BICC1: variants seen among roughly 807,000 people sequenced by gnomAD.
The protein encoded by BICC1 is protein bicaudal C homolog 1.
In BICC1, 43 loss-of-function variants were observed where a neutral mutation model predicts 111.0. The ratio of observed to expected loss-of-function variants is 0.39; its 90% CI spans 0.30 to 0.50. The LOEUF (loss-of-function observed/expected upper bound fraction) is 0.50, where lower values mean the gene tolerates loss of function less well. BICC1 is among the 20% of genes least tolerant of loss of function. BICC1 has a pLI of 0.88. For missense variants in BICC1, 1,091 were observed against 1,203.2 expected (o/e 0.91, Z 1.38); for synonymous variants, 467 against 434.4 (o/e 1.07, Z -0.93).
At chr10:58,801,380 C>A (rs918805459) in intron 14 of BICC1, among the ~76,000 whole-genome samples, 1 of 152,094 alleles carries the variant, frequency 6.6e-6, no homozygotes, top group East Asian at 1.9e-4. Flanking sequence ...GAAATTTTCC[C>A]ACTGTGAATT....
At chr10:58,537,347 C>CA (rs1554803300) in intron 1 of BICC1, among the ~76,000 whole-genome samples, 121 of 111,848 alleles carry the variant, frequency 1.1e-3, no homozygotes, top group African/African-American at 2.4e-3. Flanking sequence ...TGAACTAGAA[C>CA]AAAAAAAAAA....
intron 3 of BICC1, among the ~76,000 whole-genome samples, chr10:58,757,063 G>T (rs1480925454): frequency 6.6e-6 from 1 of 152,126 alleles, no homozygotes; most frequent in Non-Finnish European, 1.5e-5. Flanking sequence ...CTTTTATTGT[G>T]CAGAGAAGTA....
At chr10:58,532,710 G>A (rs558661637) in intron 1 of BICC1, among the ~76,000 whole-genome samples, 6 of 151,762 alleles carry the variant, frequency 4.0e-5, no homozygotes, top group African/African-American at 1.5e-4. Flanking sequence ...CATCTCAGTT[G>A]GTTTAGCTTA....
intron 3 of BICC1, among the ~76,000 whole-genome samples, chr10:58,757,339 C>T (rs979873264): frequency 2.0e-5 from 3 of 152,086 alleles, no homozygotes; most frequent in African/African-American, 7.2e-5. Flanking sequence ...TTCTATAGGA[C>T]GAGTATTTGA....
chr10:58,531,421 C>T (rs2131854229), intron 1 of BICC1, among the ~76,000 whole-genome samples: 1 of 151,928 alleles, frequency 6.6e-6, no homozygotes, highest in African/African-American at 2.4e-5. Context: ...GAATCTCTAG[C>T]TGGGCTGATT....
At position 58,803,220 on chromosome 10, in the gene BICC1, G is replaced by A. The variant is rs151212777; in HGVS notation, c.2159G>A (p.Arg720Gln). The change falls in exon 15 of 21, where the codon CGG becomes CAG. Residue 720 changes from arginine (R) to glutamine (Q), a missense_variant. Physicochemically the swap from Arg to Gln is conservative, Grantham distance 43 (BLOSUM62 1). This residue lies in a region of BICC1 where 843 missense variants were observed against 900.8 expected (regional missense o/e 0.94). Coordinates refer to ENST00000373886, the MANE Select transcript of BICC1 (RefSeq NM_001080512.3). The part of the protein sequence containing the change: ...QNSERAHLAP[R>Q]SSYVNMQAFD... ...TCCGAAAGGGCCCACCTTGCTCCAC[G>A]GTCATCATATGTCAACATGCAGGTA... The A allele has an allele frequency of 1.3e-4, 212 of 1,602,372 alleles. 1 individual carries two copies. In the African/African-American group the frequency reaches 2.6e-3, roughly 20 times the overall value.
chr10:58,548,127 T>C (rs982207500), intron 1 of BICC1, among the ~76,000 whole-genome samples: 1 of 152,232 alleles, frequency 6.6e-6, no homozygotes, highest in African/African-American at 2.4e-5. Context: ...GTGTTTATAC[T>C]GATGACTTCA....
intron 1 of BICC1, among the ~76,000 whole-genome samples, chr10:58,525,877 T>C (rs2131839078): frequency 6.6e-6 from 1 of 152,166 alleles, no homozygotes; most frequent in East Asian, 1.9e-4. Context: ...ATCTATTAAA[T>C]GTTTTCTGTA....
At chr10:58,803,995 A>G (rs1843635314) in intron 15 of BICC1, among the ~76,000 whole-genome samples, 1 of 152,238 alleles carries the variant, frequency 6.6e-6, no homozygotes, top group Non-Finnish European at 1.5e-5. Flanking sequence ...CCACCAAAAA[A>G]GAGGAAGAAC....
At chr10:58,573,552 G>A (rs1234856079) in intron 1 of BICC1, among the ~76,000 whole-genome samples, 2 of 152,116 alleles carry the variant, frequency 1.3e-5, no homozygotes, top group Non-Finnish European at 2.9e-5. Flanking sequence ...GTAATAGATG[G>A]CAAGGTAAGG....
intron 1 of BICC1, among the ~76,000 whole-genome samples, chr10:58,527,538 G>A (rs1462548418): frequency 6.6e-6 from 1 of 152,118 alleles, no homozygotes; most frequent in Non-Finnish European, 1.5e-5. Context: ...TTTTCTTCTA[G>A]GCTTTTTATG....
At chr10:58,663,843 T>C (rs547906971) in intron 2 of BICC1, among the ~76,000 whole-genome samples, 1 of 152,238 alleles carries the variant, frequency 6.6e-6, no homozygotes, top group Non-Finnish European at 1.5e-5. Flanking sequence ...TGTCTTCTTT[T>C]ATTTATTAAA....
intron 2 of BICC1, among the ~76,000 whole-genome samples, chr10:58,677,187 G>A (rs113261093): frequency 1.3e-5 from 2 of 152,266 alleles, no homozygotes; most frequent in African/African-American, 4.8e-5. Flanking sequence ...GAACAAAACT[G>A]AACAGAGAAT....
At chr10:58,668,240 G>A (rs995177586) in intron 2 of BICC1, among the ~76,000 whole-genome samples, 10 of 152,024 alleles carry the variant, frequency 6.6e-5, no homozygotes, top group Admixed American at 4.6e-4. Context: ...TGGGCCAGGT[G>A]CACCAATTTA....
intron 3 of BICC1, among the ~76,000 whole-genome samples, chr10:58,754,688 C>T (rs1476539833): frequency 6.6e-6 from 1 of 151,898 alleles, no homozygotes. Context: ...TTATGCATGG[C>T]TGAGAAATTT....
chr10:58,595,230 C>T (rs1489907650), intron 1 of BICC1, among the ~76,000 whole-genome samples: 1 of 152,152 alleles, frequency 6.6e-6, no homozygotes, highest in Non-Finnish European at 1.5e-5. Context: ...TCTTAGAGAC[C>T]TGCAAAGAGA....
chr10:58,660,183 C>G (rs531475308), intron 2 of BICC1, among the ~76,000 whole-genome samples: 1 of 152,106 alleles, frequency 6.6e-6, no homozygotes, highest in Non-Finnish European at 1.5e-5. Flanking sequence ...GCTAATATTC[C>G]CAGACAGCCC....
At chr10:58,751,656 A>G (rs895590683) in intron 3 of BICC1, among the ~76,000 whole-genome samples, 2 of 152,198 alleles carry the variant, frequency 1.3e-5, no homozygotes, top group South Asian at 4.1e-4. Context: ...GTTATAGCCC[A>G]AAATATAACT....
chr10:58,785,316 A>C (rs1274491039), intron 4 of BICC1, among the ~76,000 whole-genome samples: 1 of 152,204 alleles, frequency 6.6e-6, no homozygotes, highest in Non-Finnish European at 1.5e-5. Flanking sequence ...ATGTACCTAC[A>C]TCTACATACA....
Sources: allele counts gnomAD v4.1 joint callset (sites outside exome capture counted in the v4.1 genomes callset), GRCh38; gene constraint gnomAD v4.1.1; regional missense constraint gnomAD v4.1.1; transcripts MANE v1.5; gene names NCBI Gene and HGNC (gene_info 2026-07-23, HGNC 2026-07-21).